The following ANKS1B variants were observed in gnomAD, a reference collection of about 807,000 sequenced individuals.
The protein encoded by ANKS1B is ankyrin repeat and sterile alpha motif domain containing 1B.
Under a neutral mutation model 148.3 loss-of-function variants are expected in ANKS1B, and 36 were observed. That is an observed-to-expected ratio of 0.24 (90% CI 0.19 to 0.32). The LOEUF is 0.32. Ranked by LOEUF, ANKS1B falls within the 10% of genes least tolerant of loss-of-function variation. ANKS1B has a pLI of 1.00. For missense variants in ANKS1B, 1,157 were observed against 1,542.6 expected, an observed-to-expected ratio of 0.75 and a Z score of 4.19; for synonymous variants, 542 against 560.8, an observed-to-expected ratio of 0.97 and a Z score of 0.47.
Position 98,901,873 on chromosome 12 carries a change from C to G in ANKS1B, c.2779-69737G>C, listed in dbSNP as rs1195645777. 2.0e-5 allele frequency among the ~76,000 whole-genome samples: 3 copies of G among 152,086 alleles called. No homozygotes were observed. In the South Asian group the frequency reaches 6.2e-4, roughly 32 times the overall value. Reference sequence around the variant, plus strand: ...AAGCAGCGTGGCTCTTCCTTATACTCAAGGCTTTTTTTTGCCATTAATGAG... The same window carrying G: ...AAGCAGCGTGGCTCTTCCTTATACTGAAGGCTTTTTTTTGCCATTAATGAG... On this transcript the variant is annotated intron_variant, in intron 17 of 26. Transcript: ENST00000683438.
At chr12:99,344,767 A>T (rs2090431129) in intron 12 of ANKS1B, 1 of 152,030 alleles carries the variant, frequency 6.6e-6, no homozygotes, top group Non-Finnish European at 1.5e-5. Flanking sequence ...CAAATGTATT[A>T]ATATTTCAAT....
intron 17 of ANKS1B, among the ~76,000 whole-genome samples, chr12:98,844,263 T>C (rs867666670): frequency 7.9e-5 from 12 of 152,328 alleles, no homozygotes; most frequent in African/African-American, 2.9e-4. Context: ...CTTAGTGTAA[T>C]TGTTAGGATT....
At chr12:99,223,217 T>A (rs2085382357) in intron 14 of ANKS1B, among the ~76,000 whole-genome samples, 1 of 152,154 alleles carries the variant, frequency 6.6e-6, no homozygotes, top group Non-Finnish European at 1.5e-5. Flanking sequence ...GGTTGGCAAC[T>A]TCCCTTGGGT....
chr12:99,076,497 A>G lies in ANKS1B; in HGVS notation c.2625+8428T>C, dbSNP rs540435442. On this transcript the variant is annotated intron_variant, in intron 16 of 26. Coordinates refer to ENST00000683438, the MANE Select transcript of ANKS1B (RefSeq NM_001352186.2). ...CAGATCTGTGAGTACAGCATATTCA[A>G]TAAACACCTGTCTATTGATTGAAAT... 3.7e-4 allele frequency among the ~76,000 whole-genome samples: 56 copies of G among 152,340 alleles called. No homozygotes were observed. The South Asian group carries it at 0.01, about 28-fold the overall frequency.
intron 17 of ANKS1B, among the ~76,000 whole-genome samples, chr12:98,883,553 G>A (rs937633152): frequency 9.9e-5 from 15 of 152,194 alleles, no homozygotes; most frequent in Admixed American, 4.6e-4. Flanking sequence ...TTGATTTAAT[G>A]TACGATGCTT....
chr12:99,066,094 T>C lies in ANKS1B; in HGVS notation c.2626-12785A>G, dbSNP rs372066132. On this transcript the variant is annotated intron_variant, in intron 16 of 26. Transcript: ENST00000683438. ...ACTTTGGGAGGCCGAGGAGGGCAGATTGCCTGAGCTCAGGAGTTCGAGACT... is the reference window on the plus strand; with the variant it reads ...ACTTTGGGAGGCCGAGGAGGGCAGACTGCCTGAGCTCAGGAGTTCGAGACT... 1.4e-3 allele frequency among the ~76,000 whole-genome samples: 206 copies of C among 152,134 alleles called. 9 individuals carry two copies. In the South Asian group the frequency reaches 0.04, roughly 29 times the overall value.
chr12:99,350,317 T>G (rs1033941509), intron 12 of ANKS1B, among the ~76,000 whole-genome samples: 7 of 152,068 alleles, frequency 4.6e-5, no homozygotes, highest in African/African-American at 7.2e-5. Flanking sequence ...CTCTTTTCTT[T>G]GTAAATTATA....
intron 9 of ANKS1B, among the ~76,000 whole-genome samples, chr12:99,505,874 C>T: frequency 6.6e-6 from 1 of 152,088 alleles, no homozygotes; most frequent in East Asian, 1.9e-4. Flanking sequence ...CTTAACCTAC[C>T]AAACAGCATA....
chr12:99,944,784 T>C (rs2095017546), intron 1 of ANKS1B, among the ~76,000 whole-genome samples: 1 of 152,138 alleles, frequency 6.6e-6, no homozygotes, highest in South Asian at 2.1e-4. Flanking sequence ...TTGGATATTA[T>C]GAATGTTCAG....
intron 6 of ANKS1B, among the ~76,000 whole-genome samples, chr12:99,776,024 CTT>C (rs1468012678): frequency 6.6e-6 from 1 of 152,148 alleles, no homozygotes; most frequent in Non-Finnish European, 1.5e-5. Flanking sequence ...CTGAAAGATG[CTT>C]TGAATAGATT....
At chr12:99,405,036 G>C (rs1166755600) in intron 11 of ANKS1B, among the ~76,000 whole-genome samples, 1 of 145,782 alleles carries the variant, frequency 6.9e-6, no homozygotes, top group African/African-American at 2.6e-5. Context: ...GTTTATCCTA[G>C]AATAGTATAT....
chr12:99,393,166 T>C (rs2152557644), intron 12 of ANKS1B, among the ~76,000 whole-genome samples: 1 of 152,050 alleles, frequency 6.6e-6, no homozygotes, highest in African/African-American at 2.4e-5. Flanking sequence ...TCCAGAATTC[T>C]ACCACTCCTC....
intron 25 of ANKS1B, among the ~76,000 whole-genome samples, chr12:98,754,979 G>A (rs1446871445): frequency 6.6e-6 from 1 of 152,136 alleles, no homozygotes; most frequent in Non-Finnish European, 1.5e-5. Context: ...GTATAGTACA[G>A]GATTGGACAC....
chr12:99,863,524 G>C (rs2090315651), intron 1 of ANKS1B, among the ~76,000 whole-genome samples: 1 of 151,888 alleles, frequency 6.6e-6, no homozygotes, highest in Non-Finnish European at 1.5e-5. Flanking sequence ...GACCATCCTG[G>C]CTAACACGGT....
chr12:99,364,293 T>C (rs1593142956), intron 12 of ANKS1B, among the ~76,000 whole-genome samples: 1 of 152,174 alleles, frequency 6.6e-6, no homozygotes, highest in Admixed American at 6.5e-5. Context: ...TTATTGTACA[T>C]GTTTATTGTA....
chr12:99,308,218 T>C (rs2082624288), intron 12 of ANKS1B, among the ~76,000 whole-genome samples: 1 of 152,118 alleles, frequency 6.6e-6, no homozygotes, highest in African/African-American at 2.4e-5. Context: ...ATGAATTTGC[T>C]GCAGAGAATT....
chr12:99,829,958 A>G (rs1255178269), intron 1 of ANKS1B, among the ~76,000 whole-genome samples: 1 of 152,228 alleles, frequency 6.6e-6, no homozygotes, highest in South Asian at 2.1e-4. Flanking sequence ...CAAACAAACC[A>G]AATTCCTAAA....
intron 8 of ANKS1B, among the ~76,000 whole-genome samples, chr12:99,771,914 T>C (rs947535034): frequency 9.9e-5 from 15 of 152,104 alleles, no homozygotes; most frequent in African/African-American, 3.6e-4. Flanking sequence ...ACAGTCACTA[T>C]ACTTAGCAAG....
At chr12:99,435,666 T>C (rs1265539712) in intron 11 of ANKS1B, among the ~76,000 whole-genome samples, 2 of 151,902 alleles carry the variant, frequency 1.3e-5, no homozygotes, top group East Asian at 3.9e-4. Flanking sequence ...GCTGAAAAAC[T>C]GAGGGTGAGA....
Sources: allele counts gnomAD v4.1 joint callset (sites outside exome capture counted in the v4.1 genomes callset), GRCh38; gene constraint gnomAD v4.1.1; transcripts MANE v1.5; gene names NCBI Gene and HGNC (gene_info 2026-07-23, HGNC 2026-07-21).